The following PLSCR5 variants were observed in gnomAD, a reference collection of about 807,000 sequenced individuals.
The protein encoded by PLSCR5 is phospholipid scramblase family member 5, also known as phospholipid scramblase family, member 5.
Under a neutral mutation model 33.6 loss-of-function variants are expected in PLSCR5, and 44 were observed. The observed-to-expected ratio is 1.31, with a 90% CI of 1.03 to 1.69. The LOEUF (loss-of-function observed/expected upper bound fraction) is 1.69, where lower values mean the gene tolerates loss of function less well. PLSCR5 is among the 40% of genes most tolerant of loss of function. PLSCR5 has a pLI of 0.00. For missense variants in PLSCR5, 375 were observed against 318.7 expected (o/e 1.18, Z -1.34); for synonymous variants, 148 against 112.3 (o/e 1.32, Z -2.01).
chr3:146,604,375 G>A (rs567613115), intron 1 of PLSCR5, among the ~76,000 whole-genome samples: 1 of 152,060 alleles, frequency 6.6e-6, no homozygotes, highest in South Asian at 2.1e-4. Flanking sequence ...TGCAGTTTTA[G>A]GAATTTGAGA....
chr3:146,587,296 C>T (rs891272180), intron 6 of PLSCR5, among the ~76,000 whole-genome samples: 3 of 152,048 alleles, frequency 2.0e-5, no homozygotes, highest in African/African-American at 7.2e-5. Context: ...AGCATATGGA[C>T]TAAGAAATAC....
chr3:146,579,148 A>G (rs1423388846), intron 7 of PLSCR5, among the ~76,000 whole-genome samples: 1 of 152,160 alleles, frequency 6.6e-6, no homozygotes, highest in Non-Finnish European at 1.5e-5. Context: ...CAGCATAAGA[A>G]ATAGACAAAA....
intron 7 of PLSCR5, among the ~76,000 whole-genome samples, chr3:146,576,966 G>A (rs2044602528): frequency 6.6e-6 from 1 of 151,692 alleles, no homozygotes; most frequent in Admixed American, 6.6e-5. Context: ...TATGACACTG[G>A]TTGTACATTA....
At chr3:146,585,041 T>C (rs1262377019), downstream of PLSCR5, among the ~76,000 whole-genome samples, 1 of 152,164 alleles carries the variant, frequency 6.6e-6, no homozygotes, top group Non-Finnish European at 1.5e-5. Context: ...AAGGAGAGAA[T>C]AATTATTGTC....
Position 146,589,700 on chromosome 3 carries a change from G to T in PLSCR5, c.730C>A (p.Leu244Ile). 1 of 1,606,084 alleles carries T rather than the reference G, an allele frequency of 6.2e-7. No individual in the cohort carries two copies. The highest frequency in any genetic ancestry group is 1.1e-5 in the South Asian group (1 of 90,388). The change falls in exon 6 of 8, where the codon CTA becomes ATA. Residue 244 changes from leucine to isoleucine, a missense_variant. Transcript: ENST00000443512. ...DNFGIHVPAD[L>I]DVTVKAAMIG... ...ATTGCTGCTTTGACTGTTACATCTA[G>T]ATCTGCAGGAACATGAATTCCGAAA...
chr3:146,581,460 C>G (rs1560104522), downstream of PLSCR5, among the ~76,000 whole-genome samples: 1 of 152,138 alleles, frequency 6.6e-6, no homozygotes, highest in African/African-American at 2.4e-5. Flanking sequence ...ACATTGATGC[C>G]TAGTGCAGTG....
chr3:146,594,044 C>G lies in PLSCR5; in HGVS notation c.329G>C (p.Arg110Pro), dbSNP rs559124176. 6.2e-7 allele frequency: 1 copy of G among 1,613,648 alleles called. No individual in the cohort carries two copies. The highest frequency in any genetic ancestry group is 1.3e-5 in the African/African-American group (1 of 74,984). The change falls in exon 4 of 8, where the codon CGT becomes CCT. Residue 110 changes from arginine to proline, a missense_variant. Physicochemically the swap from Arg to Pro is moderately radical, Grantham distance 103. Coordinates refer to ENST00000443512, the MANE Select transcript of PLSCR5 (RefSeq NM_001085420.2). ...FAVEESICFN[R>P]TFCSTLRSCT... Reference sequence around the variant, plus strand: ...AGATCGCAGAGTGGAACAGAAAGTACGATTGAAGCAGATGCTTTCCTCCAC... The same window carrying G: ...AGATCGCAGAGTGGAACAGAAAGTAGGATTGAAGCAGATGCTTTCCTCCAC...
intron 2 of PLSCR5, among the ~76,000 whole-genome samples, chr3:146,599,711 T>C (rs1291161888): frequency 6.6e-6 from 1 of 150,380 alleles, no homozygotes; most frequent in Non-Finnish European, 1.5e-5. Flanking sequence ...CAAGTCTCAC[T>C]CTGTCACCCA....
intron 6 of PLSCR5, 62 bp from the exon 7 acceptor site, chr3:146,586,174 T>C: frequency 2.2e-6 from 3 of 1,369,910 alleles, no homozygotes; most frequent in Non-Finnish European, 2.9e-6. Context: ...AGATCAAAAG[T>C]TTGACATGCA....
intron 7 of PLSCR5, among the ~76,000 whole-genome samples, chr3:146,579,793 C>T (rs1009596367): frequency 1.3e-5 from 2 of 152,090 alleles, no homozygotes; most frequent in African/African-American, 4.8e-5. Flanking sequence ...CATCATCTAG[C>T]ACCATCACTT....
At chr3:146,592,197 C>T (rs2044721717) in intron 4 of PLSCR5, among the ~76,000 whole-genome samples, 2 of 152,038 alleles carry the variant, frequency 1.3e-5, no homozygotes, top group African/African-American at 4.8e-5. Flanking sequence ...CCAAGTACAA[C>T]CATTGGTCAA....
At chr3:146,581,982 C>G (rs116418704), downstream of PLSCR5, among the ~76,000 whole-genome samples, 1,648 of 152,220 alleles carry the variant, frequency 0.011, 26 homozygotes, top group African/African-American at 0.037. Context: ...AAAAGATACC[C>G]ACTTTCCTTT....
At chr3:146,578,062 C>T (rs1328808093) in intron 7 of PLSCR5, among the ~76,000 whole-genome samples, 1 of 143,584 alleles carries the variant, frequency 7.0e-6, no homozygotes, top group African/African-American at 2.6e-5. Flanking sequence ...AATATAGGTG[C>T]CAAAATGAAT....
chr3:146,599,683 T>C (rs910184331), intron 2 of PLSCR5, among the ~76,000 whole-genome samples: 1 of 150,714 alleles, frequency 6.6e-6, no homozygotes, highest in Non-Finnish European at 1.5e-5. Context: ...TCTTTTCTTT[T>C]TTTTTTTTTT....
chr3:146,582,116 A>G (rs1252260060), downstream of PLSCR5, among the ~76,000 whole-genome samples: 1 of 152,248 alleles, frequency 6.6e-6, no homozygotes, highest in Non-Finnish European at 1.5e-5. Context: ...GGCATAGGCC[A>G]GAAATCCTTT....
chr3:146,589,763 A>C lies in PLSCR5; in HGVS notation c.667T>G (p.Ser223Ala). 6.3e-7 allele frequency: 1 copy of C among 1,588,234 alleles called. No homozygotes were observed. The highest frequency in any genetic ancestry group is 8.6e-7 in the Non-Finnish European group (1 of 1,160,722). ...LTIGKISKYW[S>A]GFVNDVFTNA... ...GTGAAGACATCATTTACAAATCCTGACCAGTACTTTGAAATCTTCCCAATT... is the reference window on the plus strand; with the variant it reads ...GTGAAGACATCATTTACAAATCCTGCCCAGTACTTTGAAATCTTCCCAATT... Residue 223 changes from serine (S) to alanine (A), a missense_variant, in exon 6 of 8, where the codon TCA becomes GCA. By Grantham distance (99) the Ser-to-Ala change is moderately conservative (BLOSUM62 1). Coordinates refer to ENST00000443512, the MANE Select transcript of PLSCR5 (RefSeq NM_001085420.2).
Position 146,600,943 on chromosome 3 carries a change from A to G in PLSCR5, c.14-480T>C, listed in dbSNP as rs371367782. Among the ~76,000 whole-genome samples the G allele has an allele frequency of 4.7e-4, 70 of 148,242 alleles. 2 individuals carry two copies. Among genetic ancestry groups the G allele is most frequent in the East Asian group, 3.9e-3 (20 of 5,136 alleles). On this transcript the variant is annotated intron_variant, in intron 1 of 7. Transcript: ENST00000443512. Reference sequence around the variant, plus strand: ...ATGTTACTTGAATAGATATGCAGTAATACATGTCTATATATTTATATATAT... The same window carrying G: ...ATGTTACTTGAATAGATATGCAGTAGTACATGTCTATATATTTATATATAT...
At chr3:146,604,613 A>G (rs1448901019) in intron 1 of PLSCR5, among the ~76,000 whole-genome samples, 1 of 152,108 alleles carries the variant, frequency 6.6e-6, no homozygotes, top group Non-Finnish European at 1.5e-5. Context: ...TGAATAACAA[A>G]TGGGAAAATA....
intron 2 of PLSCR5, among the ~76,000 whole-genome samples, chr3:146,599,734 A>G (rs2044795086): frequency 6.7e-6 from 1 of 149,862 alleles, no homozygotes; most frequent in Admixed American, 6.7e-5. Flanking sequence ...CTGGAGTGCA[A>G]TGGTGAGATC....
Sources: gnomAD v4.1 joint callset for allele counts (sites outside exome capture counted in the v4.1 genomes callset) on GRCh38, gnomAD v4.1.1 for gene constraint, MANE v1.5 for transcripts, NCBI Gene and HGNC (gene_info 2026-07-23, HGNC 2026-07-21) for gene names.